Variants in LSAMP observed in about 807,000 individuals in gnomAD.
The protein encoded by LSAMP is limbic system-associated membrane protein.
A neutral mutation model predicts 38.6 loss-of-function variants in LSAMP; 7 were observed. The observed-to-expected ratio is 0.18, with a 90% CI of 0.10 to 0.34. The LOEUF is 0.34. Ranked by LOEUF, LSAMP falls within the 10% of genes least tolerant of loss-of-function variation. LSAMP has a pLI of 1.00. For synonymous variants in LSAMP, 154 were observed against 166.8 expected (o/e 0.92, Z 0.59); for missense variants, 313 against 420.0 (o/e 0.75, Z 2.23).
chr3:116,251,215 G>A (rs572557825), intron 1 of LSAMP, among the ~76,000 whole-genome samples: 4 of 152,292 alleles, frequency 2.6e-5, no homozygotes, highest in South Asian at 4.1e-4. Context: ...ATTTAAGGTC[G>A]AAACATCTGA....
chr3:116,162,624 C>T (rs570171915), intron 1 of LSAMP, among the ~76,000 whole-genome samples: 5 of 150,002 alleles, frequency 3.3e-5, no homozygotes, highest in Admixed American at 2.0e-4. Flanking sequence ...TTTATATGTG[C>T]GTGTGAGTGT....
intron 1 of LSAMP, among the ~76,000 whole-genome samples, chr3:116,145,803 C>A (rs967337506): frequency 6.6e-6 from 1 of 151,862 alleles, no homozygotes; most frequent in African/African-American, 2.4e-5. Context: ...TTCGCAGATA[C>A]AACTTCCAGT....
At chr3:116,029,935 C>T (rs2107702039) in intron 2 of LSAMP, among the ~76,000 whole-genome samples, 1 of 152,134 alleles carries the variant, frequency 6.6e-6, no homozygotes, top group East Asian at 1.9e-4. Context: ...ACAAAACAGT[C>T]CCTAGAGACT....
intron 2 of LSAMP, among the ~76,000 whole-genome samples, chr3:116,032,065 A>C (rs1157256891): frequency 2.0e-5 from 3 of 152,114 alleles, no homozygotes; most frequent in Non-Finnish European, 4.4e-5. Context: ...GGATGGGGAT[A>C]GGGGAGAGAA....
intron 1 of LSAMP, among the ~76,000 whole-genome samples, chr3:116,308,249 AC>A (rs1352279642): frequency 6.6e-6 from 1 of 151,742 alleles, no homozygotes; most frequent in Non-Finnish European, 1.5e-5. Context: ...AAAATTAATC[AC>A]CCCTTCCTTT....
At chr3:116,343,859 T>C (rs1457971681) in intron 1 of LSAMP, among the ~76,000 whole-genome samples, 1 of 152,038 alleles carries the variant, frequency 6.6e-6, no homozygotes, top group African/African-American at 2.4e-5. Context: ...AACCATATGA[T>C]TTTTTTCAAA....
intron 1 of LSAMP, among the ~76,000 whole-genome samples, chr3:116,353,566 T>C (rs931463015): frequency 1.3e-5 from 2 of 152,052 alleles, no homozygotes; most frequent in South Asian, 4.1e-4. Context: ...CAGAGTACAC[T>C]CCATAATTCT....
intron 1 of LSAMP, among the ~76,000 whole-genome samples, chr3:116,354,845 A>ATATGTG (rs996071021): frequency 6.8e-6 from 1 of 146,320 alleles, no homozygotes; most frequent in African/African-American, 2.5e-5. Context: ...GGGTGTATAT[A>ATATGTG]TGTGTGTGTG....
At chr3:115,825,321 T>C (rs1173932489) in intron 6 of LSAMP, among the ~76,000 whole-genome samples, 4 of 152,232 alleles carry the variant, frequency 2.6e-5, no homozygotes, top group Non-Finnish European at 5.9e-5. Context: ...ACATTATTCT[T>C]TGGAGTTCCA....
chr3:116,333,780 A>G (rs1469728698), intron 1 of LSAMP, among the ~76,000 whole-genome samples: 1 of 152,036 alleles, frequency 6.6e-6, no homozygotes, highest in Non-Finnish European at 1.5e-5. Context: ...GAGAAAATTT[A>G]TGCTACGAAC....
At chr3:116,138,079 G>T (rs944005950) in intron 1 of LSAMP, among the ~76,000 whole-genome samples, 1 of 152,084 alleles carries the variant, frequency 6.6e-6, no homozygotes, top group Admixed American at 6.6e-5. Context: ...TAGTATAGTA[G>T]GTCAGTGGTA....
chr3:115,851,035 G>A (rs937085599), intron 4 of LSAMP, among the ~76,000 whole-genome samples: 3 of 152,092 alleles, frequency 2.0e-5, no homozygotes, highest in Admixed American at 6.5e-5. Flanking sequence ...GTGCAGTGGC[G>A]CGATCTCGGC....
At chr3:115,974,528 G>T (rs973048263) in intron 3 of LSAMP, among the ~76,000 whole-genome samples, 1 of 151,532 alleles carries the variant, frequency 6.6e-6, no homozygotes, top group Non-Finnish European at 1.5e-5. Context: ...TTTCCAAATA[G>T]GTTCTCAGGA....
chr3:116,208,522 CTTTGTGGTTTTATCTACT>C (rs1196651604), intron 1 of LSAMP, among the ~76,000 whole-genome samples: 2 of 152,274 alleles, frequency 1.3e-5, no homozygotes, highest in East Asian at 3.9e-4. Flanking sequence ...TTTTCCCCAT[CTTTGTGGTTTTATCTACT>C]TTTGGTCTTT....
chr3:116,356,745 A>G (rs1449898089), intron 1 of LSAMP, among the ~76,000 whole-genome samples: 1 of 152,206 alleles, frequency 6.6e-6, no homozygotes, highest in Non-Finnish European at 1.5e-5. Flanking sequence ...TTTTTTAATT[A>G]AAAAGAAATC....
intron 1 of LSAMP, among the ~76,000 whole-genome samples, chr3:116,131,098 C>T (rs1224741337): frequency 6.7e-6 from 1 of 150,056 alleles, no homozygotes; most frequent in Non-Finnish European, 1.5e-5. Flanking sequence ...TCACGCCATT[C>T]TCCTGCCTCA....
chr3:116,263,855 A>C (rs1426745353), intron 1 of LSAMP, among the ~76,000 whole-genome samples: 1 of 152,142 alleles, frequency 6.6e-6, no homozygotes, highest in Admixed American at 6.6e-5. Context: ...CATAGTTTTA[A>C]GGCCAAGAGT....
intron 3 of LSAMP, among the ~76,000 whole-genome samples, chr3:115,871,229 A>G (rs751100869): frequency 1.3e-5 from 2 of 152,142 alleles, no homozygotes; most frequent in Non-Finnish European, 2.9e-5. Context: ...TTGGCAGCCT[A>G]GAATGGCCAT....
intron 1 of LSAMP, among the ~76,000 whole-genome samples, chr3:116,239,826 C>T (rs926191874): frequency 6.6e-6 from 1 of 152,020 alleles, no homozygotes; most frequent in Admixed American, 6.6e-5. Context: ...TCTATTCTAC[C>T]ACTAATAGGG....
Sources: gnomAD v4.1 joint callset for allele counts (sites outside exome capture counted in the v4.1 genomes callset) on GRCh38, gnomAD v4.1.1 for gene constraint, MANE v1.5 for transcripts, NCBI Gene and HGNC (gene_info 2026-07-23, HGNC 2026-07-21) for gene names.